PEPD: variants seen among roughly 807,000 people sequenced by gnomAD.
The protein encoded by PEPD is xaa-Pro dipeptidase.
In PEPD, 53 loss-of-function variants were observed where a neutral mutation model predicts 60.7. That is an observed-to-expected ratio of 0.87 (90% CI 0.70 to 1.10). The LOEUF (loss-of-function observed/expected upper bound fraction) is 1.10. Ranked by LOEUF, PEPD falls within the 50% of genes least tolerant of loss-of-function variation. The pLI is 0.00. For missense variants in PEPD, 711 were observed against 711.9 expected (o/e 1.00, Z 0.01); for synonymous variants, 267 against 284.1 (o/e 0.94, Z 0.60).
Position 33,387,286 on chromosome 19 carries a change from A to G in PEPD, c.*58T>C, listed in dbSNP as rs987727242. 6.2e-6 allele frequency: 10 copies of G among 1,605,432 alleles called. No individual in the cohort carries two copies. Among genetic ancestry groups the G allele is most frequent in the African/African-American group, 1.3e-5 (1 of 74,952 alleles). ...TGGAGTGCTGACCAGCAGGCTGCCC[A>G]TCACGAAAAGAGGTTGCAAGGCCAG... On this transcript the variant is annotated 3_prime_UTR_variant, in exon 15 of 15. Transcript: ENST00000244137.
intron 9 of PEPD, among the ~76,000 whole-genome samples, chr19:33,441,253 A>T (rs1600117189): frequency 6.6e-6 from 1 of 152,180 alleles, no homozygotes; most frequent in East Asian, 1.9e-4. Flanking sequence ...CTGGCATTTA[A>T]CATCTTTCGG....
intron 9 of PEPD, among the ~76,000 whole-genome samples, chr19:33,434,855 G>A (rs1423486954): frequency 6.7e-6 from 1 of 150,050 alleles, no homozygotes; most frequent in Non-Finnish European, 1.5e-5. Flanking sequence ...CTCGGTCCCT[G>A]ACCCTCCCTG....
At position 33,463,054 on chromosome 19, in the gene PEPD, TATTAAGCAAAGACATTTGTATTAA is replaced by T; in HGVS notation, c.625-37_625-14del. The stretch of plus-strand genomic sequence containing the variant: ...CAGCCTTCATTACCTGGAGGACGGA[TATTAAGCAAAGACATTTGTATTAA>T]GCAGATCAGTAACACAGCGTGATAA... On this transcript the variant is annotated splice_polypyrimidine_tract_variant and intron_variant, in intron 8 of 14. Transcript: ENST00000244137. 6.5e-7 allele frequency: 1 copy of T among 1,548,164 alleles called. No individual in the cohort carries two copies. Among genetic ancestry groups the T allele is most frequent in the Non-Finnish European group, 8.9e-7 (1 of 1,119,890 alleles).
At chr19:33,500,426 G>A (rs77071903) in intron 4 of PEPD, among the ~76,000 whole-genome samples, 14,550 of 152,214 alleles carry the variant, frequency 0.096, 721 homozygotes, top group East Asian at 0.15. Context: ...AACCCCAAGA[G>A]GACAGCCACA....
chr19:33,485,491 TAAAAAAAAA>T (rs908651690), intron 6 of PEPD, among the ~76,000 whole-genome samples: 2 of 110,968 alleles, frequency 1.8e-5, no homozygotes, highest in African/African-American at 7.3e-5. Context: ...AGACTCTGTC[TAAAAAAAAA>T]AAAAAAAAAG....
chr19:33,394,162 G>A lies in PEPD; in HGVS notation c.968-2683C>T, dbSNP rs552686624. Among the ~76,000 whole-genome samples, 8 of 152,356 alleles carry A rather than the reference G, an allele frequency of 5.3e-5. 1 individual carries two copies. The South Asian group carries it at 1.7e-3, about 32-fold the overall frequency. On this transcript the variant is annotated intron_variant, in intron 12 of 14. Transcript: ENST00000244137. Reference sequence around the variant, plus strand: ...GCAAAGTTGGCACATGGGGCTGGGAGGCCTCCTGTGAGTGGCTCGTGCCCC... The same window carrying A: ...GCAAAGTTGGCACATGGGGCTGGGAAGCCTCCTGTGAGTGGCTCGTGCCCC...
At chr19:33,441,024 T>C (rs1376009295) in intron 9 of PEPD, among the ~76,000 whole-genome samples, 2 of 152,164 alleles carry the variant, frequency 1.3e-5, no homozygotes, top group African/African-American at 4.8e-5. Context: ...AGACCCAAGC[T>C]GTACTCCAGG....
intron 3 of PEPD, among the ~76,000 whole-genome samples, chr19:33,510,168 C>T (rs996200981): frequency 2.0e-5 from 3 of 152,238 alleles, no homozygotes; most frequent in Non-Finnish European, 4.4e-5. Context: ...ACAAACTGCA[C>T]TTCTAAACAA....
intron 11 of PEPD, among the ~76,000 whole-genome samples, chr19:33,405,839 G>A (rs1041459551): frequency 2.0e-5 from 3 of 152,200 alleles, no homozygotes; most frequent in East Asian, 1.9e-4. Context: ...CCAGGGCCTC[G>A]GCAGACAGGA....
intron 8 of PEPD, 53 bp downstream of exon 8, chr19:33,463,934 G>A (rs566962947): frequency 6.5e-6 from 8 of 1,233,442 alleles, no homozygotes; most frequent in African/African-American, 2.9e-5. Context: ...CAGTTCTCTC[G>A]CCACACAGCA....
intron 3 of PEPD, among the ~76,000 whole-genome samples, chr19:33,507,036 C>G (rs1008565325): frequency 5.9e-5 from 9 of 151,792 alleles, no homozygotes; most frequent in Non-Finnish European, 8.8e-5. Context: ...CAGGTGTGCA[C>G]TCCATATGCA....
At chr19:33,429,669 A>G (rs1600108184) in intron 9 of PEPD, among the ~76,000 whole-genome samples, 2 of 152,268 alleles carry the variant, frequency 1.3e-5, no homozygotes, top group East Asian at 1.9e-4. Context: ...GCAAAGGCAT[A>G]AACTATACAG....
At chr19:33,513,976 C>T (rs1970981175) in intron 1 of PEPD, among the ~76,000 whole-genome samples, 1 of 152,228 alleles carries the variant, frequency 6.6e-6, no homozygotes, top group Non-Finnish European at 1.5e-5. Context: ...TCTCTAGAGC[C>T]CCCATCACTC....
intron 11 of PEPD, among the ~76,000 whole-genome samples, chr19:33,410,164 G>A (rs1315902279): frequency 6.6e-6 from 1 of 152,216 alleles, no homozygotes; most frequent in Non-Finnish European, 1.5e-5. Flanking sequence ...CGGTTCCACT[G>A]GCCTGCCTCC....
intron 9 of PEPD, among the ~76,000 whole-genome samples, chr19:33,450,724 T>C (rs1442215347): frequency 1.3e-5 from 2 of 152,114 alleles, no homozygotes; most frequent in African/African-American, 4.8e-5. Context: ...AAAGAAGTTA[T>C]ATAATAAAAA....
intron 9 of PEPD, among the ~76,000 whole-genome samples, chr19:33,420,071 T>C (rs1351472664): frequency 6.6e-6 from 1 of 152,268 alleles, no homozygotes; most frequent in Non-Finnish European, 1.5e-5. Flanking sequence ...CTATCTTGTA[T>C]TAAGCATAAC....
chr19:33,478,135 C>G, intron 6 of PEPD, 45 bp from the exon 7 acceptor site: 1 of 1,346,306 alleles, frequency 7.4e-7, no homozygotes, highest in Non-Finnish European at 1.1e-6. Flanking sequence ...AACGGTCTGT[C>G]ATGTCCCAGC....
Position 33,464,699 on chromosome 19 carries a change from G to A in PEPD, c.549-637C>T, listed in dbSNP as rs190129997. ...CTACGTGGGCAGGGGAGTCACAATC[G>A]AGGGACCCTGCTGTCCCTTCCTGGC... On this transcript the variant is annotated intron_variant, in intron 7 of 14. Transcript: ENST00000244137. Among the ~76,000 whole-genome samples the A allele has an allele frequency of 1.4e-3, 215 of 152,262 alleles. 1 individual carries two copies. The highest frequency in any genetic ancestry group is 4.4e-3 in the African/African-American group (182 of 41,564).
chr19:33,495,757 G>A (rs1247604979), intron 4 of PEPD, among the ~76,000 whole-genome samples: 2 of 151,998 alleles, frequency 1.3e-5, no homozygotes, highest in Non-Finnish European at 2.9e-5. Flanking sequence ...AGGCTGAGGC[G>A]GGTGGATCAC....
Sources: allele counts gnomAD v4.1 joint callset (sites outside exome capture counted in the v4.1 genomes callset), GRCh38; gene constraint gnomAD v4.1.1; transcripts MANE v1.5; gene names NCBI Gene and HGNC (gene_info 2026-07-23, HGNC 2026-07-21).